Variants in LCOR observed in about 807,000 individuals in gnomAD.
The protein encoded by LCOR is ligand dependent nuclear receptor corepressor.
LCOR carries 14 observed loss-of-function variants against 64.4 expected under a neutral mutation model. That is an observed-to-expected ratio of 0.22 (90% CI 0.14 to 0.34). LCOR has a LOEUF of 0.34. Among genes scored for constraint, LCOR ranks in the 10% least tolerant of loss-of-function variants. The pLI, the probability that LCOR is intolerant of heterozygous loss-of-function variation, is 1.00. For synonymous variants in LCOR, 643 were observed against 642.5 expected (o/e 1.00, Z -0.01); for missense variants, 1,686 against 1,765.3 (o/e 0.96, Z 0.80).
intron 2 of LCOR, among the ~76,000 whole-genome samples, chr10:96,848,303 C>T (rs994673678): frequency 6.6e-6 from 1 of 152,198 alleles, no homozygotes; most frequent in African/African-American, 2.4e-5. Flanking sequence ...TAAGCAATGA[C>T]ATAGTGATAA....
intron 2 of LCOR, among the ~76,000 whole-genome samples, chr10:96,837,435 T>C (rs965653767): frequency 1.3e-5 from 2 of 152,066 alleles, no homozygotes; most frequent in African/African-American, 2.4e-5. Context: ...TTTTTGTATT[T>C]TTAGTAGAGA....
At chr10:96,976,604 G>A (rs1848042600) in intron 7 of LCOR, among the ~76,000 whole-genome samples, 1 of 152,104 alleles carries the variant, frequency 6.6e-6, no homozygotes, top group Non-Finnish European at 1.5e-5. Context: ...AAGATATTGG[G>A]GTGCTATTAA....
At chr10:96,832,968 G>A (rs1845371068) in intron 1 of LCOR, 1 of 983,630 alleles carries the variant, frequency 1.0e-6, no homozygotes, top group African/African-American at 1.8e-5. Context: ...CGAAGCGTGA[G>A]GTGGAGATGG....
chr10:96,922,681 TTGC>T (rs1038612288), intron 4 of LCOR, among the ~76,000 whole-genome samples: 2 of 152,314 alleles, frequency 1.3e-5, no homozygotes, highest in African/African-American at 4.8e-5. Flanking sequence ...TGGGGGTGGT[TTGC>T]TTTTTTCGTT....
chr10:96,832,530 C>A (rs1458737016), intron 1 of LCOR, 131 bp downstream of exon 1: 16 of 195,202 alleles, frequency 8.2e-5, no homozygotes, highest in Non-Finnish European at 1.3e-4. Flanking sequence ...GAGCGTCCCC[C>A]CTTCCCCCAC....
chr10:96,909,321 G>A (rs190036522), intron 4 of LCOR, among the ~76,000 whole-genome samples: 1 of 152,076 alleles, frequency 6.6e-6, no homozygotes, highest in African/African-American at 2.4e-5. Flanking sequence ...TATCCCACTT[G>A]TCTTCTATAC....
In LCOR at chr10:96,982,448, G is replaced by A. The variant is rs750049126; in HGVS notation, c.1988G>A (p.Ser663Asn). The change falls in exon 8 of 8, where the codon AGT (serine) becomes AAT (asparagine). Residue 663 changes from serine to asparagine, a missense_variant. Ser to Asn is a conservative substitution (Grantham distance 46). Around this residue, in one of 3 missense-constraint regions of LCOR, gnomAD observed 1,293 missense variants for 1,410.4 expected, o/e 0.92. Coordinates refer to ENST00000421806, the MANE Select transcript of LCOR (RefSeq NM_001346516.2). ...PVALLDTEEMSVPQDCHLLPS... is the reference protein window; with the variant it reads ...PVALLDTEEMNVPQDCHLLPS... Reference sequence around the variant, plus strand: ...GCACTGTTGGATACGGAGGAGATGAGTGTACCCCAGGACTGTCACCTCCTT... The same window carrying A: ...GCACTGTTGGATACGGAGGAGATGAATGTACCCCAGGACTGTCACCTCCTT... 3 of 1,614,206 alleles carry A rather than the reference G, an allele frequency of 1.9e-6. No homozygotes were observed. Among genetic ancestry groups the A allele is most frequent in the South Asian group, 1.1e-5 (1 of 91,082 alleles).
chr10:96,892,213 G>C (rs1393701837), intron 2 of LCOR, among the ~76,000 whole-genome samples: 1 of 152,062 alleles, frequency 6.6e-6, no homozygotes, highest in Non-Finnish European at 1.5e-5. Flanking sequence ...AGCTATTATT[G>C]TTGAGCCATT....
At chr10:96,853,097 A>C (rs1378082048) in intron 2 of LCOR, among the ~76,000 whole-genome samples, 1 of 152,024 alleles carries the variant, frequency 6.6e-6, no homozygotes, top group Non-Finnish European at 1.5e-5. Flanking sequence ...CCCAGGCTGG[A>C]GTGCAGTGGT....
intron 2 of LCOR, among the ~76,000 whole-genome samples, chr10:96,891,806 G>C (rs1242492991): frequency 6.6e-6 from 1 of 151,938 alleles, no homozygotes; most frequent in East Asian, 1.9e-4. Flanking sequence ...GCCTCCCATA[G>C]TGCTGGGATT....
intron 4 of LCOR, among the ~76,000 whole-genome samples, chr10:96,935,331 C>T (rs116095161): frequency 0.067 from 10,199 of 151,382 alleles, 383 homozygotes; most frequent in East Asian, 0.18. Context: ...ATATTTTTAG[C>T]GGAGATGGGG....
At chr10:96,915,436 A>C (rs1846923009) in intron 4 of LCOR, among the ~76,000 whole-genome samples, 1 of 152,128 alleles carries the variant, frequency 6.6e-6, no homozygotes. Flanking sequence ...CAGGAGAATC[A>C]CTTGAACCCA....
chr10:96,910,982 T>C (rs978839430), intron 4 of LCOR, among the ~76,000 whole-genome samples: 4 of 152,126 alleles, frequency 2.6e-5, no homozygotes, highest in African/African-American at 9.7e-5. Context: ...TTAGTAAAAA[T>C]TTTTGAACTG....
chr10:96,931,224 A>C (rs925730330), intron 4 of LCOR, among the ~76,000 whole-genome samples: 1 of 149,438 alleles, frequency 6.7e-6, no homozygotes, highest in Admixed American at 6.7e-5. Flanking sequence ...ACCACAAAGC[A>C]CTGGTATTTT....
intron 7 of LCOR, among the ~76,000 whole-genome samples, chr10:96,978,881 A>G (rs980014696): frequency 9.2e-5 from 14 of 152,220 alleles, no homozygotes; most frequent in South Asian, 2.1e-4. Flanking sequence ...TGTTTTATGT[A>G]TGTTATCTAA....
chr10:96,956,663 T>G (rs1014135464), intron 7 of LCOR: 3 of 985,760 alleles, frequency 3.0e-6, no homozygotes. Context: ...GTAATTTCAT[T>G]TGAGATTTTC....
At chr10:96,876,640 A>G (rs1242525411) in intron 2 of LCOR, among the ~76,000 whole-genome samples, 1 of 152,240 alleles carries the variant, frequency 6.6e-6, no homozygotes, top group Non-Finnish European at 1.5e-5. Context: ...ATTAGAAAAT[A>G]CGGACAAGGC....
chr10:96,857,621 C>T (rs1457888717), intron 2 of LCOR, among the ~76,000 whole-genome samples: 6 of 152,180 alleles, frequency 3.9e-5, no homozygotes, highest in African/African-American at 7.2e-5. Flanking sequence ...CAGCATCCTC[C>T]CTTTTACCCA....
chr10:96,964,088 A>G (rs141908620), intron 7 of LCOR: 2 of 152,232 alleles, frequency 1.3e-5, no homozygotes, highest in Admixed American at 6.5e-5. Context: ...ATCAATGTTT[A>G]TGTAGTAGAG....
Sources: gnomAD v4.1 joint callset for allele counts (sites outside exome capture counted in the v4.1 genomes callset) on GRCh38, gnomAD v4.1.1 for gene constraint, gnomAD v4.1.1 regional missense constraint, MANE v1.5 for transcripts, NCBI Gene and HGNC (gene_info 2026-07-23, HGNC 2026-07-21) for gene names.